Variants in IPPK observed in about 807,000 individuals in gnomAD.
IPPK encodes inositol-pentakisphosphate 2-kinase.
IPPK carries 22 observed loss-of-function variants against 64.6 expected under a neutral mutation model. The observed-to-expected ratio is 0.34, with a 90% CI of 0.24 to 0.49. IPPK has a LOEUF of 0.49. Ranked by LOEUF, IPPK falls within the 20% of genes least tolerant of loss-of-function variation. The probability of loss-of-function intolerance (pLI) is 0.99; values close to 1 mark genes in which losing one functional copy is unlikely to be tolerated. For missense variants in IPPK, 532 were observed against 630.7 expected (o/e 0.84, Z 1.68); for synonymous variants, 262 against 247.2 (o/e 1.06, Z -0.56).
chr9:92,663,025 G>C (rs994757793), intron 1 of IPPK, among the ~76,000 whole-genome samples: 1 of 152,092 alleles, frequency 6.6e-6, no homozygotes, highest in African/African-American at 2.4e-5. Flanking sequence ...GCAACACTGG[G>C]AACACGTGAG....
In IPPK at chr9:92,652,627, G is replaced by C; in HGVS notation, c.238C>G (p.Leu80Val). Residue 80 changes from leucine to valine, a missense_variant, in exon 4 of 13, where the codon CTA (leucine) becomes GTA (valine). Leu to Val is a conservative substitution (Grantham distance 32). Coordinates refer to ENST00000287996, the MANE Select transcript of IPPK (RefSeq NM_022755.6). ...AGCTGTTTCACAAACTCTAAAGGTA[G>C]CTGAACGACCTCCTGTAAGAAAATA... The part of the protein sequence containing the change: ...NYVHYGEVVQ[L>V]PLEFVKQLCL... The C allele has an allele frequency of 3.2e-6, 5 of 1,568,102 alleles. No homozygotes were observed. The highest frequency in any genetic ancestry group is 4.4e-6 in the Non-Finnish European group (5 of 1,146,182).
chr9:92,658,602 T>C (rs776238815), intron 2 of IPPK, 32 bp downstream of exon 2: 2 of 1,567,130 alleles, frequency 1.3e-6, no homozygotes, highest in Admixed American at 1.7e-5. Context: ...AAATAATTGT[T>C]GTAAGTCTGG....
chr9:92,638,402 C>A, intron 8 of IPPK, 122 bp from the exon 9 acceptor site: 10 of 1,134,890 alleles, frequency 8.8e-6, no homozygotes, highest in Non-Finnish European at 1.3e-5. Flanking sequence ...TGCTGTCCAC[C>A]CAATCTGGGG....
intron 7 of IPPK, among the ~76,000 whole-genome samples, chr9:92,641,714 A>C (rs1852050107): frequency 6.6e-6 from 1 of 152,196 alleles, no homozygotes; most frequent in Non-Finnish European, 1.5e-5. Flanking sequence ...AGTTTAAAAG[A>C]GCATCTAACC....
chr9:92,633,967 T>C (rs1221410750), intron 11 of IPPK, among the ~76,000 whole-genome samples: 1 of 152,208 alleles, frequency 6.6e-6, no homozygotes, highest in Non-Finnish European at 1.5e-5. Context: ...GGCTGTCCCT[T>C]GGCCTCGGTT....
At chr9:92,641,047 G>A (rs1325477359) in intron 7 of IPPK, among the ~76,000 whole-genome samples, 10 of 152,186 alleles carry the variant, frequency 6.6e-5, no homozygotes, top group East Asian at 3.9e-4. Context: ...CCAGACTTTC[G>A]GGAGATGTGA....
Position 92,666,522 on chromosome 9 carries a change from C to T in IPPK, c.81+3386G>A, listed in dbSNP as rs578202817. ...GATGGGAAGTTCCCTCATCAAGGAG[C>T]CCCCACAGGGTCAGTGTCTGGAGCT... is the stretch of plus-strand genomic sequence containing the variant. On this transcript the variant is annotated intron_variant, in intron 1 of 12. Coordinates refer to ENST00000287996, the MANE Select transcript of IPPK (RefSeq NM_022755.6). 1.2e-4 allele frequency among the ~76,000 whole-genome samples: 18 copies of T among 152,258 alleles called. No homozygotes were observed. The East Asian group carries it at 3.5e-3, about 29-fold the overall frequency.
intron 4 of IPPK, among the ~76,000 whole-genome samples, chr9:92,651,895 T>C (rs1208737596): frequency 6.6e-6 from 1 of 152,044 alleles, no homozygotes; most frequent in African/African-American, 2.4e-5. Context: ...TTTGTACATA[T>C]ATATATTTTG....
chr9:92,663,099 A>T (rs1448965687), intron 1 of IPPK, among the ~76,000 whole-genome samples: 2 of 152,262 alleles, frequency 1.3e-5, no homozygotes, highest in African/African-American at 2.4e-5. Context: ...GTGAAAAAAA[A>T]TCCCAAAACA....
chr9:92,655,887 CA>C (rs1382056323), intron 3 of IPPK, among the ~76,000 whole-genome samples: 1 of 152,174 alleles, frequency 6.6e-6, no homozygotes, highest in Non-Finnish European at 1.5e-5. Flanking sequence ...GTCCAGGTCT[CA>C]AAACTACAGA....
intron 9 of IPPK, among the ~76,000 whole-genome samples, chr9:92,637,745 T>C (rs1436886233): frequency 6.6e-6 from 1 of 152,176 alleles, no homozygotes. Flanking sequence ...CCACAACATA[T>C]GGATGATATT....
At chr9:92,662,335 G>T (rs1587645978) in intron 1 of IPPK, among the ~76,000 whole-genome samples, 1 of 152,088 alleles carries the variant, frequency 6.6e-6, no homozygotes, top group Admixed American at 6.6e-5. Context: ...AGACCAGCCC[G>T]ACCAACATGG....
In IPPK at chr9:92,635,142, GA is replaced by G; in HGVS notation, c.1067+15del. 1 of 1,603,516 alleles carries G rather than the reference GA, an allele frequency of 6.2e-7. No individual in the cohort carries two copies. The highest frequency in any genetic ancestry group is 8.5e-7 in the Non-Finnish European group (1 of 1,173,504). ...TCCTCTCAGGGCTGCCCAACAGGGGGACCGCCCGACCTCACCTCTCCTCGGG... is the reference window on the plus strand; with the variant it reads ...TCCTCTCAGGGCTGCCCAACAGGGGGCCGCCCGACCTCACCTCTCCTCGGG... On this transcript the variant is annotated intron_variant, in intron 10 of 12. Coordinates refer to ENST00000287996, the MANE Select transcript of IPPK (RefSeq NM_022755.6). This position sits in a 1 kb window ranked among gnomAD's most constrained non-coding sequence, Gnocchi z 4.4.
chr9:92,618,165 G>A (rs776578369), intron 12 of IPPK: 43 of 451,600 alleles, frequency 9.5e-5, no homozygotes, highest in Admixed American at 4.7e-4. Flanking sequence ...CCATGTTCTC[G>A]GAGGAGAAGC....
intron 11 of IPPK, among the ~76,000 whole-genome samples, chr9:92,634,068 G>A (rs895163271): frequency 1.3e-5 from 2 of 152,240 alleles, no homozygotes; most frequent in African/African-American, 4.8e-5. Context: ...TGTAGCAAGG[G>A]ACAGTTGGCA....
In IPPK at chr9:92,652,653, CA is replaced by C. The variant is rs1424363902; in HGVS notation, c.226-15del. 1.3e-6 allele frequency: 2 copies of C among 1,503,416 alleles called. No individual in the cohort carries two copies. The highest frequency in any genetic ancestry group is 3.5e-5 in the Admixed American group (2 of 56,828). The allele number at this position is 1,503,416 out of a possible 1,614,324, so 93.1% of individuals were successfully genotyped here. A position where few individuals can be genotyped will look rare whatever the true frequency, so the allele number is the denominator to read the frequency against. ...CTGAACGACCTCCTGTAAGAAAATA[CA>C]TGAAATTCTCAGTGTGAATTGCACA... On this transcript the variant is annotated splice_polypyrimidine_tract_variant and intron_variant, in intron 3 of 12. Coordinates refer to ENST00000287996, the MANE Select transcript of IPPK (RefSeq NM_022755.6).
intron 4 of IPPK, among the ~76,000 whole-genome samples, chr9:92,649,807 C>T (rs949083884): frequency 6.6e-6 from 1 of 152,052 alleles, no homozygotes; most frequent in Non-Finnish European, 1.5e-5. Context: ...GCAGGTGGAT[C>T]ATGAGGTCAG....
Position 92,614,478 on chromosome 9 carries a change from A to AGAT in IPPK, c.*1351_*1353dup, listed in dbSNP as rs1299124446. On this transcript the variant is annotated 3_prime_UTR_variant, in exon 13 of 13. Coordinates refer to ENST00000287996, the MANE Select transcript of IPPK (RefSeq NM_022755.6). ...AAGAAAACAGTAAAAGTGTCCAGTT[A>AGAT]GATAAGTATCTTTTTGCACCTCTGA... 1 of 152,630 alleles carries AGAT rather than the reference A, an allele frequency of 6.6e-6. No homozygotes were observed. The highest frequency in any genetic ancestry group is 2.4e-5 in the African/African-American group (1 of 41,478). 9.5% of individuals were successfully genotyped at this position (152,630 alleles called of 1,614,324 possible).
At chr9:92,636,063 G>A (rs1367860603) in intron 9 of IPPK, among the ~76,000 whole-genome samples, 1 of 152,184 alleles carries the variant, frequency 6.6e-6, no homozygotes, top group Admixed American at 6.5e-5. Flanking sequence ...TTTGGCACCT[G>A]TGCTGTACAG....
Sources: gnomAD v4.1 joint callset for allele counts (sites outside exome capture counted in the v4.1 genomes callset) on GRCh38, gnomAD v4.1.1 for gene constraint, Gnocchi (gnomAD v3.1) non-coding constraint, MANE v1.5 for transcripts, NCBI Gene and HGNC (gene_info 2026-07-23, HGNC 2026-07-21) for gene names.